Variants in AGPAT5 observed in about 807,000 individuals in gnomAD.
The protein encoded by AGPAT5 is 1-acylglycerol-3-phosphate O-acyltransferase 5.
Under a neutral mutation model 45.6 loss-of-function variants are expected in AGPAT5, and 46 were observed. That is an observed-to-expected ratio of 1.01 (90% confidence interval 0.80 to 1.29). The LOEUF is 1.29. Ranked by LOEUF, AGPAT5 falls within the 50% of genes most tolerant of loss-of-function variation. The pLI is 0.00. For synonymous variants in AGPAT5, 272 were observed against 167.0 expected, an observed-to-expected ratio of 1.63 and a Z score of -4.85; for missense variants, 673 against 450.7, an observed-to-expected ratio of 1.49 and a Z score of -4.47.
intron 2 of AGPAT5, among the ~76,000 whole-genome samples, chr8:6,725,668 C>CA (rs1182843305): frequency 6.6e-6 from 1 of 152,018 alleles, no homozygotes; most frequent in East Asian, 1.9e-4. Flanking sequence ...TTCAGCCCTC[C>CA]AAAAAAATCC....
intron 5 of AGPAT5, among the ~76,000 whole-genome samples, chr8:6,744,552 C>G (rs757610890): frequency 2.0e-5 from 3 of 152,036 alleles, no homozygotes; most frequent in South Asian, 2.1e-4. Flanking sequence ...GGGTCCTGTG[C>G]TTGGTTCGGG....
At chr8:6,720,460 A>T (rs1800462447) in intron 1 of AGPAT5, among the ~76,000 whole-genome samples, 1 of 152,162 alleles carries the variant, frequency 6.6e-6, no homozygotes. Flanking sequence ...TTTTTGGCAG[A>T]TGACTTGGGA....
At chr8:6,749,846 A>C (rs1413636641) in intron 6 of AGPAT5, among the ~76,000 whole-genome samples, 3 of 152,224 alleles carry the variant, frequency 2.0e-5, no homozygotes, top group Non-Finnish European at 2.9e-5. Flanking sequence ...CCTCCTGTCT[A>C]AGAACCCCTT....
chr8:6,755,211 G>A (rs1440614420), intron 7 of AGPAT5, 37 bp downstream of exon 7: 1 of 1,581,118 alleles, frequency 6.3e-7, no homozygotes, highest in African/African-American at 1.4e-5. Context: ...CGGAACTTCG[G>A]TTCAACTAGA....
chr8:6,736,057 T>G (rs1801043256), intron 4 of AGPAT5, among the ~76,000 whole-genome samples: 1 of 152,120 alleles, frequency 6.6e-6, no homozygotes, highest in South Asian at 2.1e-4. Context: ...TTTCACCATG[T>G]TGGCCAGGCT....
chr8:6,742,190 C>A (rs147726738), intron 5 of AGPAT5, among the ~76,000 whole-genome samples: 2 of 152,250 alleles, frequency 1.3e-5, no homozygotes, highest in African/African-American at 4.8e-5. Flanking sequence ...TTCTTCATCT[C>A]TTAAAAGAAC....
intron 3 of AGPAT5, among the ~76,000 whole-genome samples, chr8:6,731,223 A>C (rs893817763): frequency 6.6e-6 from 1 of 152,186 alleles, no homozygotes; most frequent in Non-Finnish European, 1.5e-5. Context: ...GGTTTTTAAA[A>C]TGGGTTTAAT....
chr8:6,742,054 G>A (rs1184593052), intron 5 of AGPAT5, among the ~76,000 whole-genome samples: 2 of 152,178 alleles, frequency 1.3e-5, no homozygotes, highest in African/African-American at 4.8e-5. Context: ...TTTTTCTACA[G>A]TGTATGGGTT....
chr8:6,735,961 C>G (rs1276584473), intron 4 of AGPAT5, among the ~76,000 whole-genome samples: 2 of 142,858 alleles, frequency 1.4e-5, no homozygotes, highest in Non-Finnish European at 3.0e-5. Context: ...TTCAAGCAAT[C>G]TCCTGCCTCA....
At chr8:6,756,202 T>C (rs1405203070) in intron 7 of AGPAT5, among the ~76,000 whole-genome samples, 3 of 152,204 alleles carry the variant, frequency 2.0e-5, no homozygotes, top group Admixed American at 6.5e-5. Context: ...CTATGCTGTT[T>C]TCCTTCTTTT....
At chr8:6,744,728 T>C (rs1433680918) in intron 5 of AGPAT5, among the ~76,000 whole-genome samples, 3 of 152,214 alleles carry the variant, frequency 2.0e-5, no homozygotes, top group African/African-American at 4.8e-5. Context: ...ACCTGTGTTT[T>C]TGGCTGATTT....
At chr8:6,711,490 A>G (rs1800153770) in intron 1 of AGPAT5, among the ~76,000 whole-genome samples, 2 of 152,254 alleles carry the variant, frequency 1.3e-5, no homozygotes, top group Non-Finnish European at 2.9e-5. Flanking sequence ...TAGAATAAGT[A>G]ATAAGAATTT....
chr8:6,738,581 A>G (rs529285493), intron 4 of AGPAT5: 1 of 152,350 alleles, frequency 6.6e-6, no homozygotes, highest in Admixed American at 6.5e-5. Flanking sequence ...AAATGGCACC[A>G]ATAGACTTGC....
At chr8:6,729,798 C>A (rs1040113746) in intron 2 of AGPAT5, among the ~76,000 whole-genome samples, 4 of 152,210 alleles carry the variant, frequency 2.6e-5, no homozygotes, top group African/African-American at 9.7e-5. Flanking sequence ...TTCATACCAT[C>A]TTACCCTTGT....
intron 4 of AGPAT5, among the ~76,000 whole-genome samples, chr8:6,736,178 G>A (rs1801047967): frequency 6.6e-6 from 1 of 152,114 alleles, no homozygotes; most frequent in Admixed American, 6.5e-5. Context: ...AACATCTAAT[G>A]TTGACATCTT....
chr8:6,746,571 A>C (rs567996471), intron 5 of AGPAT5, among the ~76,000 whole-genome samples: 1 of 152,314 alleles, frequency 6.6e-6, no homozygotes, highest in African/African-American at 2.4e-5. Flanking sequence ...AATGCTTCCC[A>C]GCTTGGTGTG....
At chr8:6,726,736 A>G (rs1464728055) in intron 2 of AGPAT5, among the ~76,000 whole-genome samples, 2 of 152,190 alleles carry the variant, frequency 1.3e-5, no homozygotes, top group African/African-American at 4.8e-5. Flanking sequence ...TTCATTTATC[A>G]GTTTAGAGAA....
rs749139726 is a variant in AGPAT5 at position 6,757,638 on chromosome 8, T to TTTCC, written c.*252_*255dup. 53 of 393,420 alleles carry TTTCC rather than the reference T, an allele frequency of 1.3e-4. No homozygotes were observed. Among genetic ancestry groups the TTTCC allele is most frequent in the Non-Finnish European group, 2.0e-4 (44 of 218,216 alleles). The allele number at this position is 393,420 out of a possible 1,614,324, so 24.4% of individuals were successfully genotyped here. The stretch of plus-strand genomic sequence containing the variant: ...AATGGAGTTTCTCCTGCTCTGTCCA[T>TTTCC]TTCCTATGAACTAATGACAACTTGA... On this transcript the variant is annotated 3_prime_UTR_variant, in exon 8 of 8. Transcript: ENST00000285518.
At chr8:6,729,751 C>G (rs1270888547) in intron 2 of AGPAT5, among the ~76,000 whole-genome samples, 1 of 152,220 alleles carries the variant, frequency 6.6e-6, no homozygotes, top group East Asian at 1.9e-4. Context: ...GCTCAACTAA[C>G]AACTTCTAGG....
Sources: gnomAD v4.1 joint callset for allele counts (sites outside exome capture counted in the v4.1 genomes callset) on GRCh38, gnomAD v4.1.1 for gene constraint, MANE v1.5 for transcripts, NCBI Gene and HGNC (gene_info 2026-07-23, HGNC 2026-07-21) for gene names.